RALYL: variants seen among roughly 807,000 people sequenced by gnomAD.
The protein encoded by RALYL is RALY RNA binding protein like.
Under a neutral mutation model 35.1 loss-of-function variants are expected in RALYL, and 29 were observed. The ratio of observed to expected loss-of-function variants is 0.83; its 90% CI spans 0.61 to 1.13. The LOEUF is 1.13. Among genes scored for constraint, RALYL ranks in the 50% most tolerant of loss-of-function variants. The pLI is 0.00. For missense variants in RALYL, 359 were observed against 360.4 expected, an observed-to-expected ratio of 1.00 and a Z score of 0.03; for synonymous variants, 120 against 127.6, an observed-to-expected ratio of 0.94 and a Z score of 0.40.
rs199753339 is a variant in RALYL at position 84,311,088 on chromosome 8, A to T, written c.-24+126664A>T. On this transcript the variant is annotated intron_variant, in intron 1 of 8. Transcript: ENST00000521268. ...AAAAAAAAAAAAAAAAAAAAAAAAA[A>T]AAATGTATATTAATGTATAGTATAA... Among the ~76,000 whole-genome samples, 686 of 126,166 alleles carry T rather than the reference A, an allele frequency of 5.4e-3. 15 individuals are homozygous for T. The highest frequency in any genetic ancestry group is 8.7e-3 in the Non-Finnish European group (495 of 57,110). The allele number at this position is 126,166 out of a possible 152,430, so 82.8% of individuals were successfully genotyped here. A position where few individuals can be genotyped will look rare whatever the true frequency, so the allele number is the denominator to read the frequency against.
intron 4 of RALYL, among the ~76,000 whole-genome samples, chr8:84,813,906 C>T (rs559816776): frequency 7.8e-6 from 1 of 128,878 alleles, no homozygotes; most frequent in African/African-American, 2.9e-5. Flanking sequence ...CCCCTCCCCC[C>T]ACCCCACGAC....
chr8:84,389,434 A>G (rs1488672895), intron 1 of RALYL, among the ~76,000 whole-genome samples: 1 of 151,988 alleles, frequency 6.6e-6, no homozygotes, highest in Non-Finnish European at 1.5e-5. Flanking sequence ...TACCTTGGGC[A>G]GTATGGCCAC....
intron 4 of RALYL, among the ~76,000 whole-genome samples, chr8:84,826,807 G>A (rs1266974467): frequency 6.6e-6 from 1 of 151,662 alleles, no homozygotes; most frequent in Non-Finnish European, 1.5e-5. Flanking sequence ...AAAGCTGACA[G>A]CCAGGTTTTT....
At chr8:84,421,973 CA>C (rs2045678280) in intron 1 of RALYL, among the ~76,000 whole-genome samples, 1 of 152,090 alleles carries the variant, frequency 6.6e-6, no homozygotes, top group African/African-American at 2.4e-5. Flanking sequence ...AGGATTTTTG[CA>C]TCAATTTTCA....
Position 84,850,028 on chromosome 8 carries a change from G to T in RALYL, c.413+1G>T. 1.4e-6 allele frequency: 2 copies of T among 1,462,668 alleles called. No homozygotes were observed. The highest frequency in any genetic ancestry group is 1.8e-6 in the Non-Finnish European group (2 of 1,097,534). The allele number at this position is 1,462,668 out of a possible 1,614,324, so 90.6% of individuals were successfully genotyped here. ...ACTACAGAGATGATTTCTACAATCG[G>T]TATGTGAATTTTTCATCCTTGTTTT... On this transcript the variant is annotated splice_donor_variant, in intron 5 of 8. Coordinates refer to ENST00000521268, the MANE Select transcript of RALYL (RefSeq NM_173848.7). LOFTEE classifies it high-confidence loss of function.
intron 3 of RALYL, among the ~76,000 whole-genome samples, chr8:84,784,993 A>G (rs976962606): frequency 6.6e-5 from 10 of 152,118 alleles, no homozygotes; most frequent in Non-Finnish European, 1.0e-4. Flanking sequence ...CAACTCTGAG[A>G]GTTGACATCT....
intron 1 of RALYL, among the ~76,000 whole-genome samples, chr8:84,501,851 C>A (rs2056697812): frequency 6.7e-6 from 1 of 149,480 alleles, no homozygotes; most frequent in Admixed American, 6.7e-5. Context: ...GATCCTAAGC[C>A]TATATATAAT....
At chr8:84,679,958 G>A (rs545263055) in intron 2 of RALYL, 25 of 242,590 alleles carry the variant, frequency 1.0e-4, no homozygotes, top group East Asian at 4.1e-4. Flanking sequence ...CCATTAACTC[G>A]TCATTTAATA....
intron 1 of RALYL, among the ~76,000 whole-genome samples, chr8:84,426,821 G>T (rs1477911616): frequency 3.3e-5 from 5 of 152,140 alleles, no homozygotes; most frequent in Non-Finnish European, 5.9e-5. Flanking sequence ...TGTTGAAAAG[G>T]ATGTGGGAAA....
intron 1 of RALYL, among the ~76,000 whole-genome samples, chr8:84,386,819 T>C (rs1038662505): frequency 6.6e-6 from 1 of 151,896 alleles, no homozygotes; most frequent in African/African-American, 2.4e-5. Context: ...TCACTTCCTA[T>C]ACTTCAGCAT....
chr8:84,224,077 A>G (rs867444546), intron 1 of RALYL, among the ~76,000 whole-genome samples: 2 of 152,088 alleles, frequency 1.3e-5, no homozygotes, highest in Non-Finnish European at 2.9e-5. Context: ...TTTCTCTAAT[A>G]CCACCCTTAT....
At chr8:84,703,510 T>G (rs964775254) in intron 2 of RALYL, among the ~76,000 whole-genome samples, 1 of 152,152 alleles carries the variant, frequency 6.6e-6, no homozygotes, top group African/African-American at 2.4e-5. Context: ...GGGGGCTTCT[T>G]GTACATATGA....
chr8:84,633,668 T>C (rs984791834), intron 2 of RALYL, among the ~76,000 whole-genome samples: 2 of 151,890 alleles, frequency 1.3e-5, no homozygotes, highest in Non-Finnish European at 2.9e-5. Context: ...TTAAATTACA[T>C]ATGACATTTG....
intron 1 of RALYL, among the ~76,000 whole-genome samples, chr8:84,481,740 A>G (rs1454136420): frequency 6.6e-6 from 1 of 152,158 alleles, no homozygotes; most frequent in Non-Finnish European, 1.5e-5. Context: ...ATTATATTTC[A>G]TTTGTATGAG....
intron 1 of RALYL, among the ~76,000 whole-genome samples, chr8:84,356,797 TGC>T (rs1851922170): frequency 1.3e-5 from 2 of 150,352 alleles, no homozygotes; most frequent in African/African-American, 2.5e-5. Context: ...AAAAATGTTA[TGC>T]TCTCTTTGTC....
chr8:84,878,548 C>CA (rs112164375), intron 7 of RALYL, among the ~76,000 whole-genome samples: 13,559 of 122,156 alleles, frequency 0.11, 2,093 homozygotes, highest in African/African-American at 0.35. Flanking sequence ...AAGCAAATGC[C>CA]AAAAAAAAAA....
intron 2 of RALYL, among the ~76,000 whole-genome samples, chr8:84,695,849 CCT>C (rs1839016718): frequency 6.6e-6 from 1 of 151,836 alleles, no homozygotes; most frequent in East Asian, 1.9e-4. Context: ...ACTTTCTACC[CCT>C]CTCAGTAATT....
intron 1 of RALYL, among the ~76,000 whole-genome samples, chr8:84,510,272 C>T (rs996452636): frequency 2.6e-5 from 4 of 152,110 alleles, no homozygotes; most frequent in East Asian, 1.9e-4. Context: ...GGCTGAGAAG[C>T]GATCCCTATG....
chr8:84,345,215 A>T (rs1330151122), intron 1 of RALYL, among the ~76,000 whole-genome samples: 2 of 151,474 alleles, frequency 1.3e-5, no homozygotes, highest in Non-Finnish European at 2.9e-5. Context: ...CATCTGGGAG[A>T]CAAACAGAAC....
Sources: gnomAD v4.1 joint callset for allele counts (sites outside exome capture counted in the v4.1 genomes callset) on GRCh38, gnomAD v4.1.1 for gene constraint, MANE v1.5 for transcripts, NCBI Gene and HGNC (gene_info 2026-07-23, HGNC 2026-07-21) for gene names.